Variants in NEK1 observed in about 807,000 individuals in gnomAD.
NEK1 encodes NIMA related kinase 1.
In NEK1, 137 loss-of-function variants were observed where a neutral mutation model predicts 182.1. The observed-to-expected ratio is 0.75, with a 90% CI of 0.65 to 0.87. The LOEUF (loss-of-function observed/expected upper bound fraction) is 0.87. Among genes scored for constraint, NEK1 ranks in the 40% least tolerant of loss-of-function variants. The pLI, the probability that NEK1 is intolerant of heterozygous loss-of-function variation, is 0.00. For missense variants in NEK1, 1,391 were observed against 1,494.4 expected (o/e 0.93, Z 1.14); for synonymous variants, 513 against 492.2 (o/e 1.04, Z -0.56).
intron 22 of NEK1, 56 bp from the exon 23 acceptor site, chr4:169,507,188 T>C: frequency 1.0e-6 from 1 of 973,702 alleles, no homozygotes; most frequent in South Asian, 1.7e-5. Flanking sequence ...CAGAGGTTTT[T>C]TTTTTTTTTT....
At chr4:169,564,508 TA>T (rs1763392736) in intron 12 of NEK1, among the ~76,000 whole-genome samples, 1 of 152,236 alleles carries the variant, frequency 6.6e-6, no homozygotes, top group African/African-American at 2.4e-5. Flanking sequence ...AGATAGGCAC[TA>T]AAATTCTAAC....
chr4:169,593,832 C>G (rs1561477717), intron 5 of NEK1, among the ~76,000 whole-genome samples: 1 of 151,754 alleles, frequency 6.6e-6, no homozygotes, highest in East Asian at 1.9e-4. Context: ...ACTAAAAATA[C>G]AAAAAAATTA....
intron 19 of NEK1, among the ~76,000 whole-genome samples, chr4:169,509,703 C>G (rs1334383945): frequency 6.6e-6 from 1 of 151,890 alleles, no homozygotes; most frequent in Non-Finnish European, 1.5e-5. Flanking sequence ...TTGACTGAAT[C>G]CACTTAATTT....
At position 169,492,898 on chromosome 4, in the gene NEK1, G is replaced by C. The variant is rs141346301; in HGVS notation, c.2008-13364C>G. Among the ~76,000 whole-genome samples, 23 of 152,252 alleles carry C rather than the reference G, an allele frequency of 1.5e-4. 2 individuals carry two copies. The East Asian group carries it at 4.4e-3, about 29-fold the overall frequency. ...GTGGGTGCAGCACTAACCACTGAAG[G>C]GGGCAGCGCCAATGCCTCGGAACAA... On this transcript the variant is annotated intron_variant, in intron 23 of 35. Transcript: ENST00000507142.
In NEK1 at chr4:169,477,493, C is replaced by T. The variant is rs1219171923; in HGVS notation, c.2144G>A (p.Ser715Asn). The T allele has an allele frequency of 1.9e-6, 3 of 1,603,512 alleles. No individual in the cohort carries two copies. The highest frequency in any genetic ancestry group is 2.6e-6 in the Non-Finnish European group (3 of 1,173,624). The stretch of plus-strand genomic sequence containing the variant: ...AGTTTCCCGGGTATCAGTTAAACTA[C>T]TGTCCTTTAAATGCAGATAGATACA... ...TSALKEVGVDSSLTDTRETSE... is the reference protein window; with the variant it reads ...TSALKEVGVDNSLTDTRETSE... The change falls in exon 25 of 36, where the codon AGT (serine) becomes AAT (asparagine). Residue 715 changes from serine to asparagine, a missense_variant. Transcript: ENST00000507142.
At position 169,602,550 on chromosome 4, in the gene NEK1, G is replaced by A; in HGVS notation, c.81C>T (p.Gly27=). ...TAATTTCCTTGATAACATACTGTCT[G>A]CCATCTTCTGTAGATTTAACAAGAA... ...KAILVKSTED[G]RQYVIKEINI... is the part of the protein sequence containing the mutation. Residue 27 remains glycine, a synonymous_variant, in exon 3 of 36, where the codon GGC becomes GGT. Coordinates refer to ENST00000507142, the MANE Select transcript of NEK1 (RefSeq NM_001199397.3). 6.2e-7 allele frequency: 1 copy of A among 1,604,398 alleles called. No homozygotes were observed.
At chr4:169,533,998 GA>G (rs948188911) in intron 19 of NEK1, among the ~76,000 whole-genome samples, 1 of 152,122 alleles carries the variant, frequency 6.6e-6, no homozygotes, top group African/African-American at 2.4e-5. Flanking sequence ...TATGAGAAAG[GA>G]AAGAATTCCT....
intron 19 of NEK1, among the ~76,000 whole-genome samples, chr4:169,514,782 G>A (rs913701614): frequency 1.3e-5 from 2 of 151,932 alleles, no homozygotes; most frequent in African/African-American, 4.8e-5. Context: ...TCACTTTTAT[G>A]TTTCTAAGAG....
At chr4:169,599,323 A>C (rs1056112365) in intron 4 of NEK1, 126 bp from the exon 5 acceptor site, 1 of 621,262 alleles carries the variant, frequency 1.6e-6, no homozygotes, top group Non-Finnish European at 2.8e-6. Flanking sequence ...ACTCAAAAGA[A>C]TTAGGGCACA....
intron 30 of NEK1, 78 bp from the exon 31 acceptor site, chr4:169,424,878 T>C: frequency 2.1e-6 from 3 of 1,399,444 alleles, no homozygotes; most frequent in Non-Finnish European, 1.9e-6. Flanking sequence ...AGGCACAGTA[T>C]GTAACACAAA....
At chr4:169,401,079 G>A (rs1221086014) in intron 33 of NEK1, among the ~76,000 whole-genome samples, 1 of 152,130 alleles carries the variant, frequency 6.6e-6, no homozygotes, top group Admixed American at 6.5e-5. Flanking sequence ...TTTCAGGAAA[G>A]CACCTAGAAA....
intron 23 of NEK1, among the ~76,000 whole-genome samples, chr4:169,499,111 T>C (rs941798994): frequency 4.6e-5 from 7 of 152,200 alleles, no homozygotes; most frequent in African/African-American, 1.7e-4. Flanking sequence ...TTTCTTTTTA[T>C]TCTTTTTTCT....
At chr4:169,493,244 C>T (rs28582197) in intron 23 of NEK1, among the ~76,000 whole-genome samples, 13,739 of 152,098 alleles carry the variant, frequency 0.09, 788 homozygotes, top group African/African-American at 0.16. Context: ...GCCAATCGAG[C>T]ATACACAACA....
chr4:169,564,771 A>G (rs1367664928), intron 12 of NEK1, among the ~76,000 whole-genome samples: 1 of 152,156 alleles, frequency 6.6e-6, no homozygotes, highest in African/African-American at 2.4e-5. Flanking sequence ...GAAAATGCTG[A>G]TATCTAAAAT....
chr4:169,409,486 C>T (rs1371793693), intron 31 of NEK1, among the ~76,000 whole-genome samples: 3 of 149,720 alleles, frequency 2.0e-5, no homozygotes, highest in South Asian at 4.7e-4. Context: ...CATTCTTGGC[C>T]GGGTGCAGTG....
At chr4:169,406,162 A>T (rs924181991) in intron 32 of NEK1, among the ~76,000 whole-genome samples, 7 of 152,118 alleles carry the variant, frequency 4.6e-5, no homozygotes, top group Non-Finnish European at 8.8e-5. Context: ...CTGGTCTCAC[A>T]TTCCTCCTGC....
chr4:169,500,922 C>T (rs1372419067), intron 23 of NEK1, among the ~76,000 whole-genome samples: 2 of 152,136 alleles, frequency 1.3e-5, no homozygotes, highest in Non-Finnish European at 2.9e-5. Flanking sequence ...TAACGCTGAA[C>T]ATAAATGGCC....
chr4:169,580,344 A>G (rs1429028540), intron 11 of NEK1, among the ~76,000 whole-genome samples: 1 of 151,836 alleles, frequency 6.6e-6, no homozygotes, highest in Non-Finnish European at 1.5e-5. Flanking sequence ...TAAAAATACA[A>G]AAAATTAGCT....
intron 5 of NEK1, among the ~76,000 whole-genome samples, chr4:169,592,481 A>T (rs978645104): frequency 1.6e-4 from 25 of 152,096 alleles, no homozygotes; most frequent in Non-Finnish European, 3.2e-4. Flanking sequence ...ACCCCTATTT[A>T]AAAAAATATG....
Sources: allele counts gnomAD v4.1 joint callset (sites outside exome capture counted in the v4.1 genomes callset), GRCh38; gene constraint gnomAD v4.1.1; transcripts MANE v1.5; gene names NCBI Gene and HGNC (gene_info 2026-07-23, HGNC 2026-07-21).